The following KANTR variants were observed in gnomAD, a reference collection of about 807,000 sequenced individuals.
KANTR encodes KANTR integral membrane protein, also known as KDM5C adjacent transcript.
At chrX:53,136,693 CATATATATAT>C (rs58263602) in intron 2 of KANTR, among the ~76,000 whole-genome samples, 905 of 9,294 alleles carry the variant, frequency 0.097, 126 homozygotes, top group Middle Eastern at 0.22. Context: ...CCACGCCCGG[CATATATATAT>C]ATATATATAT....
chrX:53,118,921 G>C (rs1271769936), intron 2 of KANTR, among the ~76,000 whole-genome samples: 2 of 111,092 alleles, frequency 1.8e-5, no homozygotes, highest in African/African-American at 6.6e-5. Context: ...ATTTTTTATT[G>C]ATTTGTAGGT....
intron 2 of KANTR, among the ~76,000 whole-genome samples, chrX:53,104,947 C>T (rs181410401): frequency 3.4e-4 from 38 of 110,382 alleles, no homozygotes; most frequent in Admixed American, 7.8e-4. Flanking sequence ...TGCAGTGTCC[C>T]AATCTTGGCT....
At chrX:53,111,909 C>T (rs1302326819) in intron 2 of KANTR, among the ~76,000 whole-genome samples, 1 of 111,379 alleles carries the variant, frequency 9.0e-6, no homozygotes, top group African/African-American at 3.3e-5. Flanking sequence ...TGGCAATGAA[C>T]TCCCTCAGCT....
downstream of KANTR, chrX:53,127,459 T>C (rs934519436): frequency 8.9e-6 from 1 of 111,992 alleles, no homozygotes; most frequent in Non-Finnish European, 1.9e-5. Context: ...AATGACTTAA[T>C]TGATTAATGT....
chrX:53,136,693 C>CATAT (rs58263602), intron 2 of KANTR, among the ~76,000 whole-genome samples: 211 of 9,281 alleles, frequency 0.023, 19 homozygotes, highest in African/African-American at 0.03. Context: ...CCACGCCCGG[C>CATAT]ATATATATAT....
At chrX:53,116,456 A>G (rs1933125401) in intron 2 of KANTR, among the ~76,000 whole-genome samples, 1 of 112,013 alleles carries the variant, frequency 8.9e-6, no homozygotes, top group Non-Finnish European at 1.9e-5. Flanking sequence ...CCCTAGGAAT[A>G]TGTCAGAGCT....
intron 2 of KANTR, among the ~76,000 whole-genome samples, chrX:53,136,591 A>T (rs1179277214): frequency 2.7e-5 from 2 of 73,341 alleles, no homozygotes; most frequent in Non-Finnish European, 5.1e-5. Flanking sequence ...CTCAGGCTGG[A>T]GTGCAGTGGC....
At chrX:53,137,548 C>T (rs1394105685) in intron 2 of KANTR, among the ~76,000 whole-genome samples, 1 of 110,826 alleles carries the variant, frequency 9.0e-6, no homozygotes, top group African/African-American at 3.3e-5. Flanking sequence ...GCAGATCACC[C>T]GAGGCTGGGA....
intron 2 of KANTR, among the ~76,000 whole-genome samples, chrX:53,102,391 T>C (rs1420096111): frequency 8.9e-6 from 1 of 112,413 alleles, no homozygotes; most frequent in Admixed American, 9.5e-5. Flanking sequence ...GAGTCTTTCT[T>C]TGTCTTTTAT....
At chrX:53,130,843 G>A (rs1410397559), downstream of KANTR, among the ~76,000 whole-genome samples, 1 of 111,272 alleles carries the variant, frequency 9.0e-6, no homozygotes, top group African/African-American at 3.3e-5. Context: ...GTGTTATTTG[G>A]GCATCTTAGA....
chrX:53,104,822 A>G (rs1932928740), intron 2 of KANTR, among the ~76,000 whole-genome samples: 1 of 110,994 alleles, frequency 9.0e-6, no homozygotes, highest in Non-Finnish European at 1.9e-5. Context: ...ATGTTGGCCA[A>G]TATGACTAAT....
At chrX:53,138,296 G>A (rs782706237) in intron 2 of KANTR, among the ~76,000 whole-genome samples, 67 of 106,563 alleles carry the variant, frequency 6.3e-4, no homozygotes, top group Non-Finnish European at 4.9e-4. Context: ...TTGAAATCCC[G>A]ACCTCAGGTG....
At chrX:53,143,694 A>G, downstream of KANTR, 1 of 683,126 alleles carries the variant, frequency 1.5e-6, no homozygotes, top group Non-Finnish European at 2.4e-6. Flanking sequence ...TGATGATGCC[A>G]TGCTCGATAG....
chrX:53,130,556 A>C (rs1556816927), downstream of KANTR, among the ~76,000 whole-genome samples: 1 of 112,551 alleles, frequency 8.9e-6, no homozygotes, highest in East Asian at 2.8e-4. Context: ...AAATAAATAA[A>C]ACAAAACTGG....
chrX:53,095,614 T>C (rs1317711535), intron 1 of KANTR, among the ~76,000 whole-genome samples: 2 of 110,417 alleles, frequency 1.8e-5, no homozygotes, highest in Non-Finnish European at 3.8e-5. Context: ...ATATTATACA[T>C]ATATCGCACA....
chrX:53,124,133 A>C (rs782601053), exon 3 of KANTR: 10 of 289,099 alleles, frequency 3.5e-5, no homozygotes, highest in Non-Finnish European at 4.8e-5. Flanking sequence ...TAGCTATGGA[A>C]CTGTTGAGGA....
chrX:53,111,687 A>G (rs1240799056), intron 2 of KANTR, among the ~76,000 whole-genome samples: 1 of 111,739 alleles, frequency 8.9e-6, no homozygotes, highest in Non-Finnish European at 1.9e-5. Context: ...GAGGTGTCCA[A>G]GGGAACGAAT....
chrX:53,143,296 G>A (rs1433222617), downstream of KANTR: 14 of 613,303 alleles, frequency 2.3e-5, no homozygotes, highest in Middle Eastern at 3.5e-4. Flanking sequence ...TTGATGTCGC[G>A]CACAATCTCC....
chrX:53,102,661 TG>T (rs1279960712), intron 2 of KANTR, among the ~76,000 whole-genome samples: 1 of 111,863 alleles, frequency 8.9e-6, no homozygotes, highest in Non-Finnish European at 1.9e-5. Context: ...TCATGAAATA[TG>T]TTGGGATTAT....
Sources: allele counts gnomAD v4.1 joint callset (sites outside exome capture counted in the v4.1 genomes callset), GRCh38; gene constraint gnomAD v4.1.1; transcripts MANE v1.5; gene names NCBI Gene and HGNC (gene_info 2026-07-23, HGNC 2026-07-21).